B3GALT1: variants seen among roughly 807,000 people sequenced by gnomAD.
B3GALT1 encodes the protein UDP-Gal:betaGlcNAc beta 1,3-galactosyltransferase, polypeptide 1.
B3GALT1 carries 10 observed loss-of-function variants against 23.2 expected under a neutral mutation model. The observed-to-expected ratio is 0.43, with a 90% CI of 0.27 to 0.73. The LOEUF (loss-of-function observed/expected upper bound fraction) is 0.73. B3GALT1 is among the 30% of genes least tolerant of loss of function. The probability of loss-of-function intolerance (pLI) is 0.21; values close to 1 mark genes in which losing one functional copy is unlikely to be tolerated. For missense variants in B3GALT1, 299 were observed against 405.4 expected (o/e 0.74, Z 2.25); for synonymous variants, 156 against 141.5 (o/e 1.10, Z -0.73).
intron 3 of B3GALT1, among the ~76,000 whole-genome samples, chr2:167,806,909 C>T (rs1398982962): frequency 6.6e-6 from 1 of 152,166 alleles, no homozygotes; most frequent in Non-Finnish European, 1.5e-5. Flanking sequence ...CCTCCTTGTA[C>T]CTCTGGTAGA....
Position 167,870,210 on chromosome 2 carries a change from G to C in B3GALT1, c.*190G>C, listed in dbSNP as rs1690315722. The C allele has an allele frequency of 3.6e-6, 2 of 556,276 alleles. No homozygotes were observed. The highest frequency in any genetic ancestry group is 7.0e-5 in the South Asian group (2 of 28,510). The allele number at this position is 556,276 out of a possible 1,614,324, so 34.5% of individuals were successfully genotyped here. ...GACTCTGGTCATAGAAACAATAAAT[G>C]AGTTAGAAGGGCCAGATTTCATTCT... On this transcript the variant is annotated 3_prime_UTR_variant, in exon 5 of 5. Coordinates refer to ENST00000392690, the MANE Select transcript of B3GALT1 (RefSeq NM_020981.4).
At chr2:167,635,166 A>G (rs1440399884) in intron 2 of B3GALT1, among the ~76,000 whole-genome samples, 1 of 152,156 alleles carries the variant, frequency 6.6e-6, no homozygotes, top group Admixed American at 6.6e-5. Context: ...TATGCTAAAA[A>G]CTGTCAATAA....
chr2:167,504,201 A>C (rs1699886716), intron 2 of B3GALT1, among the ~76,000 whole-genome samples: 1 of 152,248 alleles, frequency 6.6e-6, no homozygotes, highest in African/African-American at 2.4e-5. Context: ...TTCTGTGCCA[A>C]GCCCATAGAT....
At chr2:167,777,070 AAAG>A (rs1384354272) in intron 3 of B3GALT1, among the ~76,000 whole-genome samples, 16 of 152,298 alleles carry the variant, frequency 1.1e-4, no homozygotes, top group East Asian at 3.9e-4. Flanking sequence ...TTGGAGAGAA[AAAG>A]AAGAAGAGAC....
At chr2:167,307,446 A>T (rs535242796) in intron 1 of B3GALT1, among the ~76,000 whole-genome samples, 34 of 152,052 alleles carry the variant, frequency 2.2e-4, no homozygotes, top group Admixed American at 6.6e-4. Flanking sequence ...AACATTTTGT[A>T]GTTCTATGTA....
intron 1 of B3GALT1, among the ~76,000 whole-genome samples, chr2:167,311,646 G>T (rs1387779054): frequency 6.6e-6 from 1 of 151,690 alleles, no homozygotes; most frequent in African/African-American, 2.4e-5. Flanking sequence ...GTCTGTAAAG[G>T]TGACATAACA....
intron 1 of B3GALT1, among the ~76,000 whole-genome samples, chr2:167,478,228 C>G (rs1277556792): frequency 6.6e-6 from 1 of 152,222 alleles, no homozygotes; most frequent in African/African-American, 2.4e-5. Context: ...CTTCAACCTT[C>G]ATTCACTGAT....
At position 167,410,033 on chromosome 2, in the gene B3GALT1, C is replaced by T. The variant is rs559277680; in HGVS notation, c.-510-80144C>T. On this transcript the variant is annotated intron_variant, in intron 1 of 4. Transcript: ENST00000392690. ...CAAAGACTTGGAACCATCCCAAATGCCCATCAATGATAGACTGGATGAAGA... is the reference window on the plus strand; with the variant it reads ...CAAAGACTTGGAACCATCCCAAATGTCCATCAATGATAGACTGGATGAAGA... Among the ~76,000 whole-genome samples the T allele has an allele frequency of 9.9e-5, 15 of 152,224 alleles. No homozygotes were observed. In the South Asian group the frequency reaches 2.7e-3, roughly 27 times the overall value.
At chr2:167,735,721 C>T (rs1210860726) in intron 3 of B3GALT1, among the ~76,000 whole-genome samples, 1 of 152,086 alleles carries the variant, frequency 6.6e-6, no homozygotes, top group Non-Finnish European at 1.5e-5. Flanking sequence ...CTACTCTGTC[C>T]CAAGTGCCCT....
intron 2 of B3GALT1, among the ~76,000 whole-genome samples, chr2:167,612,081 G>T (rs1488165562): frequency 6.6e-6 from 1 of 151,870 alleles, no homozygotes; most frequent in Non-Finnish European, 1.5e-5. Context: ...TTTTTCAGAG[G>T]GTTGGTGATA....
At chr2:167,692,865 G>A (rs531955030) in intron 3 of B3GALT1, among the ~76,000 whole-genome samples, 1 of 151,790 alleles carries the variant, frequency 6.6e-6, no homozygotes, top group Admixed American at 6.6e-5. Flanking sequence ...ATTCTTCATG[G>A]CCTGTGGATA....
intron 3 of B3GALT1, among the ~76,000 whole-genome samples, chr2:167,705,408 G>A (rs868028590): frequency 4.6e-5 from 7 of 152,276 alleles, no homozygotes; most frequent in Middle Eastern, 3.4e-3. Flanking sequence ...CAGGCCCGGG[G>A]CAGACTTAAT....
At chr2:167,840,286 A>G (rs1388984656) in intron 4 of B3GALT1, among the ~76,000 whole-genome samples, 2 of 152,164 alleles carry the variant, frequency 1.3e-5, no homozygotes, top group Non-Finnish European at 2.9e-5. Context: ...CTCATCTGAC[A>G]AAGGGCTAAT....
intron 3 of B3GALT1, among the ~76,000 whole-genome samples, chr2:167,708,719 A>G (rs1368300886): frequency 6.6e-6 from 1 of 152,176 alleles, no homozygotes; most frequent in Non-Finnish European, 1.5e-5. Context: ...TGAACCAGGC[A>G]GCTCCTTCTA....
chr2:167,745,869 ATC>A (rs1366400833), intron 3 of B3GALT1, among the ~76,000 whole-genome samples: 1 of 152,180 alleles, frequency 6.6e-6, no homozygotes, highest in Non-Finnish European at 1.5e-5. Flanking sequence ...TAAATATCAT[ATC>A]TCCTCTGTTA....
chr2:167,779,298 C>A (rs1688210262), intron 3 of B3GALT1, among the ~76,000 whole-genome samples: 1 of 152,062 alleles, frequency 6.6e-6, no homozygotes, highest in Non-Finnish European at 1.5e-5. Context: ...AATTGCTTAC[C>A]ATACGTAGAT....
intron 1 of B3GALT1, among the ~76,000 whole-genome samples, chr2:167,325,402 CT>C (rs35655288): frequency 6.6e-6 from 1 of 151,884 alleles, no homozygotes; most frequent in African/African-American, 2.4e-5. Context: ...TGGAGGAGGC[CT>C]TTTCACATGG....
At chr2:167,340,944 A>C (rs1201915786) in intron 1 of B3GALT1, among the ~76,000 whole-genome samples, 1 of 152,218 alleles carries the variant, frequency 6.6e-6, no homozygotes, top group Non-Finnish European at 1.5e-5. Context: ...CAAAGGAAAT[A>C]GGGGAAAAAG....
intron 1 of B3GALT1, among the ~76,000 whole-genome samples, chr2:167,351,765 C>T (rs1020773152): frequency 6.6e-6 from 1 of 152,064 alleles, no homozygotes; most frequent in African/African-American, 2.4e-5. Context: ...CTTTTCGTGC[C>T]TCCCTCCATT....
Sources: allele counts gnomAD v4.1 joint callset (sites outside exome capture counted in the v4.1 genomes callset), GRCh38; gene constraint gnomAD v4.1.1; transcripts MANE v1.5; gene names NCBI Gene and HGNC (gene_info 2026-07-23, HGNC 2026-07-21).